DENND4C: variants seen among roughly 807,000 people sequenced by gnomAD.
The protein encoded by DENND4C is DENN domain containing 4C.
DENND4C carries 108 observed loss-of-function variants against 203.0 expected under a neutral mutation model. The ratio of observed to expected loss-of-function variants is 0.53; its 90% CI spans 0.46 to 0.62. The LOEUF (loss-of-function observed/expected upper bound fraction) is 0.62, where lower values mean the gene tolerates loss of function less well. Ranked by LOEUF, DENND4C falls within the 20% of genes least tolerant of loss-of-function variation. The probability of loss-of-function intolerance (pLI) is 0.00; values close to 1 mark genes in which losing one functional copy is unlikely to be tolerated. For synonymous variants in DENND4C, 871 were observed against 792.4 expected (o/e 1.10, Z -1.67); for missense variants, 2,481 against 2,301.2 (o/e 1.08, Z -1.60).
At chr9:19,254,976 T>G (rs1421416595) in intron 1 of DENND4C, among the ~76,000 whole-genome samples, 2 of 151,714 alleles carry the variant, frequency 1.3e-5, no homozygotes, top group Non-Finnish European at 2.9e-5. Context: ...GTACTAAAAA[T>G]ACAAAAATTA....
chr9:19,305,522 A>T lies in DENND4C; in HGVS notation c.1482A>T (p.Leu494Phe). ...GCATTGACTTGGATACGAACATGTTATATGTGTAAGTTGATTCATTTTATA... is the reference window on the plus strand; with the variant it reads ...GCATTGACTTGGATACGAACATGTTTTATGTGTAAGTTGATTCATTTTATA... ...VVCIDLDTNMLYVSDEKKNMN... is the reference protein window; with the variant it reads ...VVCIDLDTNMFYVSDEKKNMN... The change falls in exon 10 of 33, where the codon TTA becomes TTT. Residue 494 changes from leucine (L) to phenylalanine (F), a missense_variant. Coordinates refer to ENST00000434457, the MANE Select transcript of DENND4C (RefSeq NM_001330640.2). 1 of 1,611,458 alleles carries T rather than the reference A, an allele frequency of 6.2e-7. No individual in the cohort carries two copies. Among genetic ancestry groups the T allele is most frequent in the East Asian group, 2.2e-5 (1 of 44,840 alleles).
chr9:19,310,052 C>G (rs1840445910), intron 10 of DENND4C, among the ~76,000 whole-genome samples: 1 of 152,036 alleles, frequency 6.6e-6, no homozygotes, highest in South Asian at 2.1e-4. Context: ...GTTTTTATTG[C>G]TACTGTAGAT....
chr9:19,263,116 T>TA (rs1829760752), intron 1 of DENND4C, among the ~76,000 whole-genome samples: 1 of 152,222 alleles, frequency 6.6e-6, no homozygotes, highest in Non-Finnish European at 1.5e-5. Flanking sequence ...GTTCCTTCTA[T>TA]AACCAATTTT....
At chr9:19,291,217 A>T (rs1836229017) in intron 5 of DENND4C, 3 of 172,596 alleles carry the variant, frequency 1.7e-5, no homozygotes, top group Non-Finnish European at 3.7e-5. Context: ...AAGACATTGA[A>T]ATGACAGAAT....
At chr9:19,241,612 T>C (rs1414511706) in intron 1 of DENND4C, among the ~76,000 whole-genome samples, 1 of 151,886 alleles carries the variant, frequency 6.6e-6, no homozygotes, top group East Asian at 1.9e-4. Flanking sequence ...TCAATATCAG[T>C]GTCTTCTACC....
At chr9:19,271,341 A>C (rs4625124) in intron 1 of DENND4C, among the ~76,000 whole-genome samples, 75,028 of 151,466 alleles carry the variant, frequency 0.5, 19,391 homozygotes, top group South Asian at 0.64. Context: ...CTGGGATTAC[A>C]GATGTATTCC....
intron 10 of DENND4C, among the ~76,000 whole-genome samples, chr9:19,315,860 C>T (rs1841752511): frequency 6.6e-6 from 1 of 152,016 alleles, no homozygotes; most frequent in Non-Finnish European, 1.5e-5. Context: ...CACACACCAC[C>T]ACACCCGGCT....
intron 1 of DENND4C, among the ~76,000 whole-genome samples, chr9:19,243,846 C>T (rs973974519): frequency 1.3e-5 from 2 of 152,168 alleles, no homozygotes; most frequent in Non-Finnish European, 2.9e-5. Context: ...AAGTCTAGCT[C>T]TGTCACCCAG....
intron 9 of DENND4C, among the ~76,000 whole-genome samples, chr9:19,301,393 C>T (rs73645588): frequency 0.027 from 4,059 of 152,278 alleles, 179 homozygotes; most frequent in African/African-American, 0.091. Flanking sequence ...ATTTTCAGCA[C>T]TTGTTACAGT....
At chr9:19,287,379 GCT>G (rs1491111130) in intron 3 of DENND4C, among the ~76,000 whole-genome samples, 1 of 152,012 alleles carries the variant, frequency 6.6e-6, no homozygotes, top group African/African-American at 2.4e-5. Flanking sequence ...TCATTTGTTT[GCT>G]TTTTTTATTT....
rs1823879976 is a variant in DENND4C, at chr9:19,242,043, C to A, written c.-18+11210C>A. Among the ~76,000 whole-genome samples the A allele has an allele frequency of 2.0e-5, 3 of 152,218 alleles. No homozygotes were observed. In the South Asian group the frequency reaches 6.2e-4, roughly 32 times the overall value. On this transcript the variant is annotated intron_variant, in intron 1 of 32. Coordinates refer to ENST00000434457, the MANE Select transcript of DENND4C (RefSeq NM_001330640.2). ...GTTAAATTATTGTGAGAAATAGTTT[C>A]ACCTCCATGAGATTATTCTATTTCA...
intron 16 of DENND4C, among the ~76,000 whole-genome samples, chr9:19,331,361 C>T (rs765199071): frequency 6.6e-6 from 1 of 151,956 alleles, no homozygotes; most frequent in Non-Finnish European, 1.5e-5. Context: ...TGCCACCATG[C>T]GCGGCTAATT....
chr9:19,352,042 T>C (rs748045550), intron 24 of DENND4C, 31 bp from the exon 25 acceptor site: 78 of 1,558,532 alleles, frequency 5.0e-5, no homozygotes, highest in Non-Finnish European at 6.5e-5. Context: ...CATTCCTTAC[T>C]TAAGGTATTA....
intron 2 of DENND4C, among the ~76,000 whole-genome samples, chr9:19,283,470 C>T (rs923948467): frequency 1.8e-4 from 27 of 152,110 alleles, no homozygotes; most frequent in African/African-American, 6.3e-4. Context: ...AAGAATTTCT[C>T]AGCTCCATTA....
chr9:19,348,694 A>G (rs1375333771), intron 23 of DENND4C, among the ~76,000 whole-genome samples: 1 of 152,208 alleles, frequency 6.6e-6, no homozygotes, highest in East Asian at 1.9e-4. Context: ...AACATTATAA[A>G]TTAACTATTT....
At chr9:19,353,312 AT>A (rs1824606773) in intron 26 of DENND4C, among the ~76,000 whole-genome samples, 1 of 151,986 alleles carries the variant, frequency 6.6e-6, no homozygotes, top group South Asian at 2.1e-4. Flanking sequence ...TGAACTTTTT[AT>A]TTCCTGCCTT....
At chr9:19,356,179 C>A (rs1257179912) in intron 26 of DENND4C, among the ~76,000 whole-genome samples, 1 of 151,920 alleles carries the variant, frequency 6.6e-6, no homozygotes, top group Non-Finnish European at 1.5e-5. Context: ...TGTCTCTCCA[C>A]CAATCTATCT....
At position 19,350,792 on chromosome 9, in the gene DENND4C, T is replaced by C. The variant is rs767016057; in HGVS notation, c.4408T>C (p.Leu1470=). The part of the protein sequence containing the change: ...NISPNTSISG[L]VPSELTQSNT... ...ATCGCCTAACACAAGTATCTCAGGG[T>C]TGGTCCCCAGTGAACTTACCCAGAG... is the stretch of plus-strand genomic sequence containing the variant. The change falls in exon 24 of 33, where the codon TTG becomes CTG. Residue 1470 remains leucine (L), a synonymous_variant. Transcript: ENST00000434457. The C allele has an allele frequency of 1.9e-6, 3 of 1,614,080 alleles. No individual in the cohort carries two copies. The highest frequency in any genetic ancestry group is 2.5e-6 in the Non-Finnish European group (3 of 1,180,004).
At chr9:19,323,285 C>T (rs966172552) in intron 12 of DENND4C, among the ~76,000 whole-genome samples, 7 of 152,042 alleles carry the variant, frequency 4.6e-5, no homozygotes, top group African/African-American at 1.7e-4. Context: ...CAAAAATTAG[C>T]CAGTCGTGGT....
Sources: allele counts gnomAD v4.1 joint callset (sites outside exome capture counted in the v4.1 genomes callset), GRCh38; gene constraint gnomAD v4.1.1; transcripts MANE v1.5; gene names NCBI Gene and HGNC (gene_info 2026-07-23, HGNC 2026-07-21).